Variants in CLIC5 observed in about 807,000 individuals in gnomAD.
The protein encoded by CLIC5 is chloride intracellular channel protein 5.
A neutral mutation model predicts 24.7 loss-of-function variants in CLIC5; 20 were observed. That is an observed-to-expected ratio of 0.81 (90% CI 0.57 to 1.18). The LOEUF (loss-of-function observed/expected upper bound fraction) is 1.18, where lower values mean the gene tolerates loss of function less well. CLIC5 is among the 50% of genes most tolerant of loss of function. CLIC5 has a pLI of 0.00. For missense variants in CLIC5, 341 were observed against 326.1 expected (o/e 1.05, Z -0.35); for synonymous variants, 159 against 135.6 (o/e 1.17, Z -1.20).
downstream of CLIC5, among the ~76,000 whole-genome samples, chr6:45,896,153 T>C (rs748495055): frequency 2.0e-5 from 3 of 152,168 alleles, no homozygotes; most frequent in African/African-American, 7.2e-5. Context: ...ACCTATATAA[T>C]GTAAATCGAC....
At chr6:46,036,737 G>T (rs1767673201) in intron 1 of CLIC5, among the ~76,000 whole-genome samples, 1 of 152,178 alleles carries the variant, frequency 6.6e-6, no homozygotes, top group Non-Finnish European at 1.5e-5. Context: ...GAATTCAGTG[G>T]CATTTTATAG....
intron 5 of CLIC5, chr6:45,911,663 C>T (rs1762823878): frequency 1.0e-6 from 1 of 985,260 alleles, no homozygotes. Flanking sequence ...TTTTAAAGGG[C>T]AGAATGTTAG....
At chr6:46,127,413 A>G in the CLIC5 span, among the ~76,000 whole-genome samples, 1 of 152,158 alleles carries the variant, frequency 6.6e-6, no homozygotes, top group Non-Finnish European at 1.5e-5. Context: ...CCTCTAATTC[A>G]TTTCAATCTC....
chr6:45,961,743 A>G (rs542723541), intron 1 of CLIC5, among the ~76,000 whole-genome samples: 1 of 152,284 alleles, frequency 6.6e-6, no homozygotes, highest in South Asian at 2.1e-4. Context: ...TACGTGGTCC[A>G]CATGAGGACA....
downstream of CLIC5, among the ~76,000 whole-genome samples, chr6:45,894,815 G>A (rs534875856): frequency 2.0e-5 from 3 of 152,314 alleles, no homozygotes; most frequent in South Asian, 2.1e-4. Flanking sequence ...GAATCCATGC[G>A]CACTGTAAGG....
rs146549232 is a variant in CLIC5 at position 45,911,759 on chromosome 6, A to G, written c.588+2469T>C. On this transcript the variant is annotated intron_variant, in intron 5 of 5. Coordinates refer to ENST00000339561, the MANE Select transcript of CLIC5 (RefSeq NM_016929.5). ...TTCTTGTTTGTCTCCAGGGCTGAAC[A>G]TCGTCACTATGCTAGGCAAGGATCC... 3.2e-3 allele frequency: 3,173 copies of G among 985,472 alleles called. 4 individuals are homozygous for G. Among genetic ancestry groups the G allele is most frequent in the Admixed American group, 5.5e-3 (89 of 16,280 alleles). The allele number at this position is 985,472 out of a possible 1,614,324, so 61.0% of individuals were successfully genotyped here.
At chr6:46,104,867 A>G in the CLIC5 span, among the ~76,000 whole-genome samples, 1 of 152,108 alleles carries the variant, frequency 6.6e-6, no homozygotes, top group Non-Finnish European at 1.5e-5. Flanking sequence ...CCTGCTTTGG[A>G]CCCTTTGCAG....
At chr6:45,884,189 C>T (rs748239638) in intron 6 of CLIC5, among the ~76,000 whole-genome samples, 1 of 152,164 alleles carries the variant, frequency 6.6e-6, no homozygotes, top group Non-Finnish European at 1.5e-5. Flanking sequence ...TTTGCTGCCT[C>T]ACACTGAGAA....
At chr6:46,116,131 G>A in the CLIC5 span, among the ~76,000 whole-genome samples, 1 of 152,044 alleles carries the variant, frequency 6.6e-6, no homozygotes, top group Non-Finnish European at 1.5e-5. Context: ...CCATTAGCAA[G>A]ACCACAGAGT....
At chr6:45,944,984 G>A (rs1764245507) in intron 3 of CLIC5, among the ~76,000 whole-genome samples, 1 of 152,158 alleles carries the variant, frequency 6.6e-6, no homozygotes, top group African/African-American at 2.4e-5. Context: ...ATCCTTGACT[G>A]TGTGCTTGTT....
chr6:45,976,909 G>A (rs772854724), intron 1 of CLIC5, among the ~76,000 whole-genome samples: 1 of 152,166 alleles, frequency 6.6e-6, no homozygotes, highest in South Asian at 2.1e-4. Flanking sequence ...TGGATGTTAC[G>A]TGTGTGCTGT....
At chr6:46,002,847 G>A (rs148837732) in intron 1 of CLIC5, among the ~76,000 whole-genome samples, 343 of 152,250 alleles carry the variant, frequency 2.3e-3, no homozygotes, top group African/African-American at 7.9e-3. Context: ...CCTTGACCTT[G>A]GACTATTCAT....
At chr6:45,944,376 C>T (rs763821092) in intron 3 of CLIC5, among the ~76,000 whole-genome samples, 1 of 151,908 alleles carries the variant, frequency 6.6e-6, no homozygotes, top group Non-Finnish European at 1.5e-5. Context: ...TTGTGACAGA[C>T]ACTGAAGGGC....
chr6:46,027,136 C>A (rs942375652), intron 1 of CLIC5, among the ~76,000 whole-genome samples: 7 of 152,144 alleles, frequency 4.6e-5, no homozygotes, highest in Admixed American at 2.0e-4. Context: ...GGAGACAGAA[C>A]AAACACATAA....
upstream of CLIC5, among the ~76,000 whole-genome samples, chr6:46,083,790 T>G (rs542716020): frequency 2.0e-3 from 311 of 152,048 alleles, no homozygotes; most frequent in African/African-American, 7.0e-3. Flanking sequence ...GTCTATTAGG[T>G]CTGCTTGGTG....
rs372300556 is a variant in CLIC5 at position 45,903,197 on chromosome 6, C to T, written c.647G>A (p.Arg216Gln). The change falls in exon 6 of 6, where the codon CGG becomes CAG. Residue 216 changes from arginine to glutamine, a missense_variant. Arg to Gln is a conservative substitution (Grantham distance 43, BLOSUM62 1). Coordinates refer to ENST00000339561, the MANE Select transcript of CLIC5 (RefSeq NM_016929.5). Reference protein sequence around the residue: ...DIPAEMTGLWRYLKNAYARDE... With the variant: ...DIPAEMTGLWQYLKNAYARDE... ...ACGGGCATAGGCGTTCTTGAGGTAC[C>T]GCCACAGGCCTGTCATCTCAGCCGG... 17 of 1,612,224 alleles carry T rather than the reference C, an allele frequency of 1.1e-5. No homozygotes were observed. The highest frequency in any genetic ancestry group is 1.4e-5 in the Non-Finnish European group (16 of 1,179,444).
chr6:46,115,415 C>T, the CLIC5 span, among the ~76,000 whole-genome samples: 3 of 152,204 alleles, frequency 2.0e-5, no homozygotes, highest in Non-Finnish European at 4.4e-5. Context: ...AGGACACATC[C>T]TGGGTGTGAG....
the CLIC5 span, among the ~76,000 whole-genome samples, chr6:46,102,055 C>T: frequency 6.6e-5 from 10 of 152,158 alleles, no homozygotes; most frequent in Admixed American, 6.5e-5. Context: ...ATTAATTTCA[C>T]GGGCCAGGGC....
In CLIC5 at chr6:45,955,263, G is replaced by C. The variant is rs1322271515; in HGVS notation, c.64-19C>G. ...TTCCAGCCTGGAAAGAAGAGAACCA[G>C]TGTCCTGAGTGGGCAGGTGCAATTA... On this transcript the variant is annotated intron_variant, in intron 1 of 5. Transcript: ENST00000339561. 6.3e-7 allele frequency: 1 copy of C among 1,580,432 alleles called. No homozygotes were observed. The highest frequency in any genetic ancestry group is 1.7e-5 in the Admixed American group (1 of 59,776).
Sources: gnomAD v4.1 joint callset for allele counts (sites outside exome capture counted in the v4.1 genomes callset) on GRCh38, gnomAD v4.1.1 for gene constraint, MANE v1.5 for transcripts, NCBI Gene and HGNC (gene_info 2026-07-23, HGNC 2026-07-21) for gene names.